PRKCA: variants seen among roughly 807,000 people sequenced by gnomAD.
The protein encoded by PRKCA is protein kinase C alpha type.
In PRKCA, 27 loss-of-function variants were observed where a neutral mutation model predicts 87.0. That is an observed-to-expected ratio of 0.31 (90% confidence interval 0.23 to 0.43). The LOEUF (loss-of-function observed/expected upper bound fraction) is 0.43. Among genes scored for constraint, PRKCA ranks in the 20% least tolerant of loss-of-function variants. The pLI, the probability that PRKCA is intolerant of heterozygous loss-of-function variation, is 1.00. For missense variants in PRKCA, 518 were observed against 852.3 expected, an observed-to-expected ratio of 0.61 and a Z score of 4.88; for synonymous variants, 329 against 311.1, an observed-to-expected ratio of 1.06 and a Z score of -0.61.
intron 2 of PRKCA, among the ~76,000 whole-genome samples, chr17:66,336,416 A>G (rs1906664503): frequency 6.6e-6 from 1 of 152,192 alleles, no homozygotes; most frequent in Non-Finnish European, 1.5e-5. Flanking sequence ...ATCTCGTTGA[A>G]TGGGAGGCAT....
At chr17:66,405,853 A>G (rs1347930441) in intron 2 of PRKCA, among the ~76,000 whole-genome samples, 1 of 152,156 alleles carries the variant, frequency 6.6e-6, no homozygotes, top group Admixed American at 6.5e-5. Context: ...GTAGGAGAAT[A>G]TGCTTTGCTG....
At chr17:66,542,614 G>A (rs1386907121) in intron 3 of PRKCA, among the ~76,000 whole-genome samples, 1 of 152,098 alleles carries the variant, frequency 6.6e-6, no homozygotes, top group Non-Finnish European at 1.5e-5. Context: ...GTCAGGAAGT[G>A]TGAGAATTCT....
intron 5 of PRKCA, among the ~76,000 whole-genome samples, chr17:66,682,293 C>T (rs924298100): frequency 6.6e-6 from 1 of 152,204 alleles, no homozygotes; most frequent in African/African-American, 2.4e-5. Flanking sequence ...CCGGGCTTGA[C>T]AGCTGATAAT....
intron 2 of PRKCA, among the ~76,000 whole-genome samples, chr17:66,357,008 C>T (rs904406568): frequency 6.6e-6 from 1 of 152,234 alleles, no homozygotes; most frequent in East Asian, 1.9e-4. Flanking sequence ...ATCCACTTGC[C>T]TCAGCCTCCC....
chr17:66,746,730 C>G (rs939526952), intron 13 of PRKCA, among the ~76,000 whole-genome samples: 2 of 152,188 alleles, frequency 1.3e-5, no homozygotes, highest in African/African-American at 4.8e-5. Context: ...AGAAGGAGCA[C>G]TCATCAGAAA....
chr17:66,681,020 G>A (rs537712769), intron 5 of PRKCA, among the ~76,000 whole-genome samples: 1 of 152,310 alleles, frequency 6.6e-6, no homozygotes, highest in South Asian at 2.1e-4. Context: ...CTTGAGGTCG[G>A]GGGTTTGAGA....
In PRKCA at chr17:66,452,570, C is replaced by T. The variant is rs376432346; in HGVS notation, c.206-43631C>T. ...TTTTGTTGCCTGATAGGAACTGGCC[C>T]GGCTTGTTCCTATTGCACTGAAGCC... On this transcript the variant is annotated intron_variant, in intron 2 of 16. Coordinates refer to ENST00000413366, the MANE Select transcript of PRKCA (RefSeq NM_002737.3). 2.6e-4 allele frequency among the ~76,000 whole-genome samples: 39 copies of T among 152,264 alleles called. 1 individual carries two copies. Among genetic ancestry groups the T allele is most frequent in the Middle Eastern group, 3.4e-3 (1 of 294 alleles).
chr17:66,513,008 T>C (rs1304508089), intron 3 of PRKCA, among the ~76,000 whole-genome samples: 1 of 152,200 alleles, frequency 6.6e-6, no homozygotes, highest in African/African-American at 2.4e-5. Context: ...CATTATTTTC[T>C]ATTACTTTAT....
chr17:66,608,169 A>G (rs531104717), intron 3 of PRKCA, among the ~76,000 whole-genome samples: 1 of 152,144 alleles, frequency 6.6e-6, no homozygotes, highest in African/African-American at 2.4e-5. Flanking sequence ...ACTGAAGCAC[A>G]CTGATTGGAG....
chr17:66,777,745 G>T, intron 14 of PRKCA: 1 of 985,374 alleles, frequency 1.0e-6, no homozygotes, highest in Non-Finnish European at 1.2e-6. Flanking sequence ...ATGCTAACAT[G>T]CAAAAGGGGC....
intron 8 of PRKCA, among the ~76,000 whole-genome samples, chr17:66,723,063 C>A (rs58397874): frequency 1.1e-4 from 17 of 152,188 alleles, no homozygotes; most frequent in Non-Finnish European, 1.6e-4. Context: ...CTCCTGCCCC[C>A]CTTAGGAGGG....
intron 5 of PRKCA, chr17:66,676,905 G>A (rs1185927971): frequency 6.6e-6 from 1 of 152,132 alleles, no homozygotes; most frequent in Non-Finnish European, 1.5e-5. Context: ...ATAGCACAAG[G>A]TGAAAGTTCA....
At chr17:66,660,754 A>T (rs1971873170) in intron 5 of PRKCA, among the ~76,000 whole-genome samples, 1 of 151,860 alleles carries the variant, frequency 6.6e-6, no homozygotes, top group Non-Finnish European at 1.5e-5. Context: ...ATAACAATAC[A>T]AAAAATTAGC....
intron 13 of PRKCA, among the ~76,000 whole-genome samples, chr17:66,772,989 G>C (rs936440802): frequency 6.6e-6 from 1 of 151,952 alleles, no homozygotes; most frequent in African/African-American, 2.4e-5. Flanking sequence ...CTTTAAAAAT[G>C]TTTTAATAGT....
chr17:66,768,670 G>T (rs572605997), intron 13 of PRKCA, among the ~76,000 whole-genome samples: 1 of 152,180 alleles, frequency 6.6e-6, no homozygotes, highest in South Asian at 2.1e-4. Flanking sequence ...ACAACAAGGC[G>T]GGAAGCGCCA....
At chr17:66,380,920 A>T (rs1178805202) in intron 2 of PRKCA, among the ~76,000 whole-genome samples, 1 of 151,426 alleles carries the variant, frequency 6.6e-6, no homozygotes, top group East Asian at 2.0e-4. Context: ...AAAGAATCTA[A>T]GGTATTTTTA....
At chr17:66,434,091 G>T (rs1913241979) in intron 2 of PRKCA, among the ~76,000 whole-genome samples, 2 of 151,914 alleles carry the variant, frequency 1.3e-5, no homozygotes, top group African/African-American at 4.8e-5. Context: ...TTTCTCTCCT[G>T]CCACACTCTT....
At position 66,794,971 on chromosome 17, in the gene PRKCA, G is replaced by T. The variant is rs148683141; in HGVS notation, c.1854+5992G>T. 1.3e-3 allele frequency among the ~76,000 whole-genome samples: 203 copies of T among 152,092 alleles called. 1 individual carries two copies. The highest frequency in any genetic ancestry group is 4.7e-3 in the African/African-American group (197 of 41,484). On this transcript the variant is annotated intron_variant, in intron 16 of 16. Coordinates refer to ENST00000413366, the MANE Select transcript of PRKCA (RefSeq NM_002737.3). Reference sequence around the variant, plus strand: ...AGGTACAGACATACACATCTGTTAGGTTGGAGCAAAAGTAATTGCGGTTTT... The same window carrying T: ...AGGTACAGACATACACATCTGTTAGTTTGGAGCAAAAGTAATTGCGGTTTT...
chr17:66,338,124 A>G (rs16959062), intron 2 of PRKCA, among the ~76,000 whole-genome samples: 20,630 of 147,996 alleles, frequency 0.14, 1,896 homozygotes, highest in East Asian at 0.35. Flanking sequence ...CATTTTGAAA[A>G]TCTCTTGGGT....
Sources: gnomAD v4.1 joint callset for allele counts (sites outside exome capture counted in the v4.1 genomes callset) on GRCh38, gnomAD v4.1.1 for gene constraint, MANE v1.5 for transcripts, NCBI Gene and HGNC (gene_info 2026-07-23, HGNC 2026-07-21) for gene names.